The following ZFP1 variants were observed in gnomAD, a reference collection of about 807,000 sequenced individuals.
The protein encoded by ZFP1 is zinc finger protein 1 homolog.
Under a neutral mutation model 38.5 loss-of-function variants are expected in ZFP1, and 32 were observed. That is an observed-to-expected ratio of 0.83 (90% confidence interval 0.63 to 1.12). The LOEUF (loss-of-function observed/expected upper bound fraction) is 1.12. Among genes scored for constraint, ZFP1 ranks in the 50% most tolerant of loss-of-function variants. The probability of loss-of-function intolerance (pLI) is 0.00; values close to 1 mark genes in which losing one functional copy is unlikely to be tolerated. For missense variants in ZFP1, 616 were observed against 480.8 expected, an observed-to-expected ratio of 1.28 and a Z score of -2.63; for synonymous variants, 245 against 168.8, an observed-to-expected ratio of 1.45 and a Z score of -3.50.
At chr16:75,163,278 C>G (rs950786011) in intron 2 of ZFP1, among the ~76,000 whole-genome samples, 2 of 151,552 alleles carry the variant, frequency 1.3e-5, no homozygotes, top group Non-Finnish European at 2.9e-5. Context: ...AGGATCTGCC[C>G]TCCCCAGCGT....
At chr16:75,132,007 G>C in the ZFP1 span, among the ~76,000 whole-genome samples, 1 of 152,000 alleles carries the variant, frequency 6.6e-6, no homozygotes, top group Admixed American at 6.6e-5. Context: ...CAGTTGGTTA[G>C]TTCAAATCAA....
rs774587214 is a variant in ZFP1 at position 75,166,750 on chromosome 16, A to G, written c.16-20A>G. On this transcript the variant is annotated intron_variant, in intron 2 of 3. Transcript: ENST00000570010. ...TCACCAAATGATCATCTTAGGATGA[A>G]TAACAATATGCCATTTCAGGGATCA... 1.3e-5 allele frequency: 21 copies of G among 1,614,036 alleles called. No individual in the cohort carries two copies. In the East Asian group the frequency reaches 2.0e-4, roughly 15 times the overall value.
Position 75,152,972 on chromosome 16 carries a change from T to A in ZFP1, c.15+6T>A. On this transcript the variant is annotated splice_donor_region_variant and intron_variant, in intron 2 of 3. Transcript: ENST00000570010. The stretch of plus-strand genomic sequence containing the variant: ...AGAAAATGAACAAATCCCAGGTGAG[T>A]TGTTTGTTTATTCCCCATTTTGCTT... 6.2e-7 allele frequency: 1 copy of A among 1,613,484 alleles called. No homozygotes were observed. The highest frequency in any genetic ancestry group is 8.5e-7 in the Non-Finnish European group (1 of 1,179,750).
At chr16:75,138,291 TC>T in the ZFP1 span, among the ~76,000 whole-genome samples, 2 of 152,128 alleles carry the variant, frequency 1.3e-5, no homozygotes, top group Non-Finnish European at 2.9e-5. Context: ...CACCTTGGCC[TC>T]CCAAAGTGCT....
In ZFP1 at chr16:75,167,874, A is replaced by G. The variant is rs552147530; in HGVS notation, c.142+978A>G. ...CATTTTGGGAGGCTGAGGCGGGCAG[A>G]TCACCTGAGGTCAGTTCAATACCAG... On this transcript the variant is annotated intron_variant, in intron 3 of 3. Coordinates refer to ENST00000570010, the MANE Select transcript of ZFP1 (RefSeq NM_153688.4). 5.3e-5 allele frequency among the ~76,000 whole-genome samples: 8 copies of G among 152,270 alleles called. No homozygotes were observed. In the South Asian group the frequency reaches 1.5e-3, roughly 28 times the overall value.
the ZFP1 span, among the ~76,000 whole-genome samples, chr16:75,124,868 T>TG: frequency 1.3e-5 from 2 of 150,638 alleles, no homozygotes; most frequent in African/African-American, 4.9e-5. Flanking sequence ...AAGAGGTTTT[T>TG]TTTTTTTTTT....
chr16:75,162,014 A>T (rs1597066845), intron 2 of ZFP1, among the ~76,000 whole-genome samples: 1 of 150,836 alleles, frequency 6.6e-6, no homozygotes, highest in East Asian at 1.9e-4. Context: ...CGAACTCCTG[A>T]CCTCATGTGA....
intron 3 of ZFP1, among the ~76,000 whole-genome samples, chr16:75,168,036 G>A (rs2145579778): frequency 6.6e-6 from 1 of 152,144 alleles, no homozygotes; most frequent in South Asian, 2.1e-4. Flanking sequence ...ACTCCAGCCT[G>A]GGCAACAGAG....
At chr16:75,168,062 A>T (rs1396534059) in intron 3 of ZFP1, among the ~76,000 whole-genome samples, 3 of 152,104 alleles carry the variant, frequency 2.0e-5, no homozygotes, top group Admixed American at 6.5e-5. Context: ...CCCCATCTCA[A>T]AAAAACAAAA....
At chr16:75,149,558 T>TTTC (rs2037076490) in intron 1 of ZFP1, among the ~76,000 whole-genome samples, 1 of 5,270 alleles carries the variant, frequency 1.9e-4, no homozygotes, top group African/African-American at 2.5e-4. Flanking sequence ...CTTTACTTTC[T>TTTC]TTTTTTTTTT....
the ZFP1 span, chr16:75,126,371 A>G: frequency 6.6e-6 from 1 of 151,106 alleles, no homozygotes; most frequent in East Asian, 2.0e-4. Context: ...GATGACCTCA[A>G]TCTCTTGACC....
chr16:75,136,319 A>G, the ZFP1 span, among the ~76,000 whole-genome samples: 1 of 152,352 alleles, frequency 6.6e-6, no homozygotes, highest in Admixed American at 6.5e-5. Flanking sequence ...ACATGTCAGT[A>G]CTGTACTCAA....
At chr16:75,121,485 G>A in the ZFP1 span, among the ~76,000 whole-genome samples, 1 of 152,094 alleles carries the variant, frequency 6.6e-6, no homozygotes, top group Non-Finnish European at 1.5e-5. Context: ...GGCACCATCA[G>A]ACTTTTTCTC....
At chr16:75,135,320 A>G in the ZFP1 span, among the ~76,000 whole-genome samples, 7 of 149,126 alleles carry the variant, frequency 4.7e-5, no homozygotes, top group Non-Finnish European at 1.0e-4. Flanking sequence ...CAAGTCACAA[A>G]AAGACAAAGA....
At chr16:75,124,889 C>T in the ZFP1 span, among the ~76,000 whole-genome samples, 2 of 118,710 alleles carry the variant, frequency 1.7e-5, no homozygotes, top group Non-Finnish European at 3.3e-5. Flanking sequence ...GGTAAGAAAG[C>T]TTAAAGAGAA....
chr16:75,130,607 G>A, the ZFP1 span, among the ~76,000 whole-genome samples: 1 of 152,106 alleles, frequency 6.6e-6, no homozygotes, highest in African/African-American at 2.4e-5. Flanking sequence ...TCAGGTTTTT[G>A]TATCTATTGG....
At chr16:75,123,451 A>ATATG in the ZFP1 span, among the ~76,000 whole-genome samples, 753 of 104,862 alleles carry the variant, frequency 7.2e-3, 14 homozygotes, top group Middle Eastern at 0.011. Flanking sequence ...GTGTGTGTGT[A>ATATG]TATGTATATA....
intron 1 of ZFP1, among the ~76,000 whole-genome samples, chr16:75,151,570 T>G (rs762510348): frequency 1.3e-5 from 2 of 152,252 alleles, no homozygotes; most frequent in Non-Finnish European, 2.9e-5. Flanking sequence ...GATATCATAC[T>G]GTTTTATGTC....
intron 2 of ZFP1, 135 bp downstream of exon 2, chr16:75,153,101 G>C (rs1432087956): frequency 8.4e-7 from 1 of 1,188,728 alleles, no homozygotes; most frequent in Non-Finnish European, 1.2e-6. Context: ...AATACCAGCA[G>C]CCAAAAAGCA....
Sources: allele counts gnomAD v4.1 joint callset (sites outside exome capture counted in the v4.1 genomes callset), GRCh38; gene constraint gnomAD v4.1.1; transcripts MANE v1.5; gene names NCBI Gene and HGNC (gene_info 2026-07-23, HGNC 2026-07-21).